FAM168A: variants seen among roughly 807,000 people sequenced by gnomAD.
FAM168A encodes family with sequence similarity 168 member A, also known as protein FAM168A.
A neutral mutation model predicts 28.5 loss-of-function variants in FAM168A; 3 were observed. The ratio of observed to expected loss-of-function variants is 0.11; its 90% confidence interval spans 0.05 to 0.27. The LOEUF (loss-of-function observed/expected upper bound fraction) is 0.27, where lower values mean the gene tolerates loss of function less well. Among genes scored for constraint, FAM168A ranks in the 10% least tolerant of loss-of-function variants. The pLI is 1.00. For missense variants in FAM168A, 222 were observed against 311.5 expected, an observed-to-expected ratio of 0.71 and a Z score of 2.16; for synonymous variants, 122 against 124.2, an observed-to-expected ratio of 0.98 and a Z score of 0.12.
At chr11:73,477,868 G>T (rs771134284) in intron 1 of FAM168A, among the ~76,000 whole-genome samples, 3 of 152,044 alleles carry the variant, frequency 2.0e-5, no homozygotes, top group Non-Finnish European at 4.4e-5. Flanking sequence ...AGTGATACTA[G>T]ACAGTAATTC....
At chr11:73,586,697 C>T (rs1944317190) in intron 1 of FAM168A, among the ~76,000 whole-genome samples, 1 of 152,198 alleles carries the variant, frequency 6.6e-6, no homozygotes, top group African/African-American at 2.4e-5. Flanking sequence ...AGTCATTATA[C>T]AAGATTATTT....
At chr11:73,525,675 G>A (rs183376381) in intron 1 of FAM168A, among the ~76,000 whole-genome samples, 7 of 152,272 alleles carry the variant, frequency 4.6e-5, no homozygotes, top group Admixed American at 4.6e-4. Context: ...CAAAATGACT[G>A]TTGATACTGA....
intron 4 of FAM168A, among the ~76,000 whole-genome samples, chr11:73,412,050 C>T (rs1866621236): frequency 6.6e-6 from 1 of 152,040 alleles, no homozygotes; most frequent in South Asian, 2.1e-4. Context: ...GACTTCCCTC[C>T]ATCATGTTCC....
At chr11:73,500,937 G>C (rs565261644) in intron 1 of FAM168A, among the ~76,000 whole-genome samples, 6 of 151,706 alleles carry the variant, frequency 4.0e-5, no homozygotes, top group African/African-American at 1.5e-4. Context: ...CTGTATTCAG[G>C]AGACCCATCT....
At chr11:73,470,450 A>C (rs1458203709) in intron 1 of FAM168A, among the ~76,000 whole-genome samples, 1 of 152,162 alleles carries the variant, frequency 6.6e-6, no homozygotes, top group Non-Finnish European at 1.5e-5. Context: ...GAAGCTTAAT[A>C]ACCATTTTAA....
intron 2 of FAM168A, among the ~76,000 whole-genome samples, chr11:73,448,968 T>G (rs1050274631): frequency 2.0e-5 from 3 of 152,112 alleles, no homozygotes; most frequent in Non-Finnish European, 4.4e-5. Context: ...TAACTCTATC[T>G]CTATCTTTCC....
chr11:73,565,296 C>T (rs1381493927), intron 1 of FAM168A, among the ~76,000 whole-genome samples: 3 of 152,132 alleles, frequency 2.0e-5, no homozygotes, highest in Non-Finnish European at 1.5e-5. Flanking sequence ...CCACTATATG[C>T]GTAACGGCTG....
intron 2 of FAM168A, among the ~76,000 whole-genome samples, chr11:73,449,637 G>C (rs1043319702): frequency 9.9e-5 from 15 of 152,190 alleles, no homozygotes; most frequent in African/African-American, 3.1e-4. Context: ...CACTAAGGCG[G>C]GAAGAGGGTA....
Position 73,567,092 on chromosome 11 carries a change from G to A in FAM168A, c.-19+30831C>T, listed in dbSNP as rs535662118. ...GTCACAGGAGGTGACCCTGGCAGCA[G>A]ATGGAAGAATGGAGGCTGCCGTCCA... On this transcript the variant is annotated intron_variant, in intron 1 of 7. Transcript: ENST00000356467. Among the ~76,000 whole-genome samples, 25 of 152,344 alleles carry A rather than the reference G, an allele frequency of 1.6e-4. No individual in the cohort carries two copies. The South Asian group carries it at 5.0e-3, about 30-fold the overall frequency.
chr11:73,513,310 C>G (rs891700653), intron 1 of FAM168A, among the ~76,000 whole-genome samples: 1 of 149,062 alleles, frequency 6.7e-6, no homozygotes, highest in East Asian at 2.0e-4. Flanking sequence ...CCCAGGTTCA[C>G]GCCATTCTCC....
At chr11:73,495,013 A>G (rs1194792706) in intron 1 of FAM168A, among the ~76,000 whole-genome samples, 1 of 151,528 alleles carries the variant, frequency 6.6e-6, no homozygotes, top group Non-Finnish European at 1.5e-5. Flanking sequence ...CAAAAAAAAA[A>G]GAAGAAAAAA....
intron 1 of FAM168A, among the ~76,000 whole-genome samples, chr11:73,569,504 G>C (rs981218354): frequency 6.6e-6 from 1 of 152,134 alleles, no homozygotes; most frequent in South Asian, 2.1e-4. Flanking sequence ...TTTTACATAC[G>C]AAAAAGACTA....
At chr11:73,454,072 C>T (rs1033721105) in intron 2 of FAM168A, among the ~76,000 whole-genome samples, 3 of 152,246 alleles carry the variant, frequency 2.0e-5, no homozygotes, top group Admixed American at 6.5e-5. Flanking sequence ...GAGAAAGAAG[C>T]CCTGGACTGT....
chr11:73,484,652 CTATA>C (rs1203736105), intron 1 of FAM168A, among the ~76,000 whole-genome samples: 8 of 137,196 alleles, frequency 5.8e-5, no homozygotes, highest in East Asian at 2.0e-4. Flanking sequence ...ATCTATCTAT[CTATA>C]TATAGATAGA....
chr11:73,580,102 A>G (rs1483035054), intron 1 of FAM168A, among the ~76,000 whole-genome samples: 1 of 152,238 alleles, frequency 6.6e-6, no homozygotes, highest in Admixed American at 6.5e-5. Context: ...AACTGATGCT[A>G]CAATCTGTCA....
intron 1 of FAM168A, among the ~76,000 whole-genome samples, chr11:73,500,551 C>T (rs895517044): frequency 1.3e-5 from 2 of 152,044 alleles, no homozygotes; most frequent in Non-Finnish European, 2.9e-5. Flanking sequence ...AGCCACTGCA[C>T]CCAGCCTCAA....
chr11:73,565,965 T>C (rs943376625), intron 1 of FAM168A, among the ~76,000 whole-genome samples: 1 of 152,242 alleles, frequency 6.6e-6, no homozygotes, highest in Admixed American at 6.5e-5. Context: ...AATAGTTGAC[T>C]ACAGCATTAA....
chr11:73,520,164 G>A (rs1943357691), intron 1 of FAM168A, among the ~76,000 whole-genome samples: 2 of 151,868 alleles, frequency 1.3e-5, no homozygotes, highest in African/African-American at 2.4e-5. Context: ...TCCTGCCTCA[G>A]CTTCCTAAGT....
intron 2 of FAM168A, among the ~76,000 whole-genome samples, chr11:73,437,400 CTTTT>C (rs747204512): frequency 9.7e-6 from 1 of 103,528 alleles, no homozygotes. Context: ...CCCGGCCACT[CTTTT>C]TTTTTTTTTT....
Sources: gnomAD v4.1 joint callset for allele counts (sites outside exome capture counted in the v4.1 genomes callset) on GRCh38, gnomAD v4.1.1 for gene constraint, MANE v1.5 for transcripts, NCBI Gene and HGNC (gene_info 2026-07-23, HGNC 2026-07-21) for gene names.